The following SPATS2 variants were observed in gnomAD, a reference collection of about 807,000 sequenced individuals.
SPATS2 encodes the protein spermatogenesis associated serine rich 2.
Under a neutral mutation model 63.7 loss-of-function variants are expected in SPATS2, and 38 were observed. The observed-to-expected ratio is 0.60, with a 90% confidence interval of 0.46 to 0.78. The LOEUF (loss-of-function observed/expected upper bound fraction) is 0.78. SPATS2 is among the 30% of genes least tolerant of loss of function. SPATS2 has a pLI of 0.00. For missense variants in SPATS2, 588 were observed against 666.2 expected (o/e 0.88, Z 1.29); for synonymous variants, 207 against 232.9 (o/e 0.89, Z 1.01).
At chr12:49,388,697 T>C (rs1944364976) in intron 2 of SPATS2, among the ~76,000 whole-genome samples, 1 of 134,272 alleles carries the variant, frequency 7.4e-6, no homozygotes. Flanking sequence ...TTTTTTTTCC[T>C]TTTTTTTTTT....
chr12:49,374,423 C>T (rs188907966), intron 2 of SPATS2, among the ~76,000 whole-genome samples: 221 of 152,264 alleles, frequency 1.5e-3, no homozygotes, highest in Non-Finnish European at 2.7e-3. Context: ...AGCCACAGTG[C>T]CCAGCTCACT....
intron 2 of SPATS2, among the ~76,000 whole-genome samples, chr12:49,427,544 A>C (rs1945102233): frequency 6.6e-6 from 1 of 152,208 alleles, no homozygotes; most frequent in Non-Finnish European, 1.5e-5. Flanking sequence ...CATAGGATTG[A>C]CAAGTGTACT....
intron 3 of SPATS2, among the ~76,000 whole-genome samples, chr12:49,467,946 G>T (rs970403232): frequency 1.3e-5 from 2 of 151,942 alleles, no homozygotes; most frequent in Non-Finnish European, 2.9e-5. Flanking sequence ...TATTAGCCAG[G>T]ATGGTCTCGA....
At chr12:49,371,952 G>GTTT (rs55899804) in intron 2 of SPATS2, among the ~76,000 whole-genome samples, 3 of 138,286 alleles carry the variant, frequency 2.2e-5, no homozygotes, top group South Asian at 2.3e-4. Context: ...CTCCTTTCAG[G>GTTT]TTTTTTTTTT....
rs556826598 is a variant in SPATS2, at chr12:49,437,897, T to C, written c.-243-22873T>C. Among the ~76,000 whole-genome samples the C allele has an allele frequency of 2.6e-5, 4 of 152,312 alleles. No individual in the cohort carries two copies. The South Asian group carries it at 6.2e-4, about 24-fold the overall frequency. On this transcript the variant is annotated intron_variant, in intron 2 of 13. Transcript: ENST00000552918. ...GGAGAGGGAGCTGAATGGTTTCTTA[T>C]GTACAAATGACTAGTCAAGAATATG...
At chr12:49,390,499 A>C (rs1944400377) in intron 2 of SPATS2, among the ~76,000 whole-genome samples, 1 of 152,210 alleles carries the variant, frequency 6.6e-6, no homozygotes, top group South Asian at 2.1e-4. Flanking sequence ...GAATTCATAA[A>C]ATTATATCAA....
At chr12:49,379,211 C>A (rs1944164776) in intron 2 of SPATS2, among the ~76,000 whole-genome samples, 1 of 151,508 alleles carries the variant, frequency 6.6e-6, no homozygotes. Flanking sequence ...TGAGCCACTG[C>A]GCCTGGCCCC....
chr12:49,421,259 A>C (rs1482853372), intron 2 of SPATS2, among the ~76,000 whole-genome samples: 12 of 152,026 alleles, frequency 7.9e-5, no homozygotes, highest in Non-Finnish European at 1.6e-4. Flanking sequence ...CTCTACTAAA[A>C]ATACAAAAAT....
intron 11 of SPATS2, 54 bp from the exon 12 acceptor site, chr12:49,522,697 A>G: frequency 7.1e-7 from 1 of 1,410,048 alleles, no homozygotes; most frequent in Non-Finnish European, 1.0e-6. Flanking sequence ...CAAGTTATAG[A>G]TTCCATGGAT....
intron 10 of SPATS2, among the ~76,000 whole-genome samples, chr12:49,515,214 A>T (rs1397070389): frequency 6.6e-6 from 1 of 152,162 alleles, no homozygotes; most frequent in African/African-American, 2.4e-5. Context: ...AAAAACAGAT[A>T]CCTATTTTTT....
At chr12:49,520,558 G>A (rs531661221) in intron 11 of SPATS2, among the ~76,000 whole-genome samples, 2 of 152,220 alleles carry the variant, frequency 1.3e-5, no homozygotes, top group Admixed American at 6.5e-5. Context: ...ACAGTGGCAG[G>A]CAGGAGCTCC....
At chr12:49,454,499 A>C (rs1945683689) in intron 2 of SPATS2, 1 of 152,210 alleles carries the variant, frequency 6.6e-6, no homozygotes. Flanking sequence ...GAATGCAAAA[A>C]ACATTCATAC....
intron 2 of SPATS2, among the ~76,000 whole-genome samples, chr12:49,450,224 T>C (rs911617242): frequency 2.2e-4 from 33 of 151,988 alleles, no homozygotes; most frequent in Non-Finnish European, 4.4e-4. Context: ...TTCTGTCTTT[T>C]GAGTGGAGTC....
intron 3 of SPATS2, among the ~76,000 whole-genome samples, chr12:49,480,504 A>G (rs1455869858): frequency 6.6e-6 from 1 of 152,132 alleles, no homozygotes; most frequent in Non-Finnish European, 1.5e-5. Flanking sequence ...CTTGCACTAG[A>G]CAGTAAAACT....
At chr12:49,428,064 G>A (rs942833395) in intron 2 of SPATS2, among the ~76,000 whole-genome samples, 5 of 151,954 alleles carry the variant, frequency 3.3e-5, no homozygotes, top group Non-Finnish European at 5.9e-5. Context: ...GACCATCCTG[G>A]CTAACACGGT....
intron 2 of SPATS2, 100 bp from the exon 3 acceptor site, chr12:49,460,670 G>T (rs889514292): frequency 1.5e-4 from 37 of 251,624 alleles, no homozygotes; most frequent in African/African-American, 8.5e-4. Context: ...AACTAGTTTT[G>T]TATACAGAAA....
chr12:49,468,189 C>G (rs1264421048), intron 3 of SPATS2, among the ~76,000 whole-genome samples: 3 of 96,464 alleles, frequency 3.1e-5, no homozygotes, highest in Non-Finnish European at 6.1e-5. Context: ...GAAATGGAGT[C>G]TTGCTTTGTT....
intron 2 of SPATS2, among the ~76,000 whole-genome samples, chr12:49,401,434 T>A (rs1253060118): frequency 6.6e-6 from 1 of 152,232 alleles, no homozygotes; most frequent in Non-Finnish European, 1.5e-5. Context: ...AATAGAGCCC[T>A]CATGTACTCA....
At chr12:49,425,692 C>T (rs953020449) in intron 2 of SPATS2, among the ~76,000 whole-genome samples, 48 of 151,912 alleles carry the variant, frequency 3.2e-4, no homozygotes, top group African/African-American at 8.9e-4. Context: ...TGCAGTGGCA[C>T]GATCTCAGCT....
Sources: allele counts gnomAD v4.1 joint callset (sites outside exome capture counted in the v4.1 genomes callset), GRCh38; gene constraint gnomAD v4.1.1; transcripts MANE v1.5; gene names NCBI Gene and HGNC (gene_info 2026-07-23, HGNC 2026-07-21).